LRRC55: variants seen among roughly 807,000 people sequenced by gnomAD.
LRRC55 encodes leucine-rich repeat-containing protein 55.
LRRC55 carries 11 observed loss-of-function variants against 20.5 expected under a neutral mutation model. That is an observed-to-expected ratio of 0.54 (90% CI 0.34 to 0.89). The LOEUF (loss-of-function observed/expected upper bound fraction) is 0.89, where lower values mean the gene tolerates loss of function less well. Ranked by LOEUF, LRRC55 falls within the 40% of genes least tolerant of loss-of-function variation. The pLI is 0.02. For synonymous variants in LRRC55, 188 were observed against 166.6 expected, an observed-to-expected ratio of 1.13 and a Z score of -0.99; for missense variants, 358 against 390.9, an observed-to-expected ratio of 0.92 and a Z score of 0.71.
chr11:57,183,744 A>T (rs1565179524), intron 1 of LRRC55, among the ~76,000 whole-genome samples: 1 of 152,200 alleles, frequency 6.6e-6, no homozygotes, highest in Non-Finnish European at 1.5e-5. Flanking sequence ...TGAAAGGAAG[A>T]CTGAGATGCG....
rs115754523 is a variant in LRRC55, at chr11:57,184,011, C to A, written c.661+1328C>A. Among the ~76,000 whole-genome samples the A allele has an allele frequency of 3.6e-3, 549 of 152,280 alleles. 3 individuals carry two copies. The highest frequency in any genetic ancestry group is 0.027 in the Middle Eastern group (8 of 294). On this transcript the variant is annotated intron_variant, in intron 1 of 1. Transcript: ENST00000497933. ...GAGCTCAGCCCATGTTGAGAAGAAG[C>A]AATGCTGAATGTGGTAAAAGGGAGA...
At position 57,182,590 on chromosome 11, in the gene LRRC55, A is replaced by T; in HGVS notation, c.568A>T (p.Thr190Ser). ...TCTTGAGGGCCTACCGGGGCTGGTG[A>T]CCCTGCAGATCGGTGGCAATCCCTG... is the stretch of plus-strand genomic sequence containing the variant. The part of the protein sequence containing the change: ...EALEGLPGLV[T>S]LQIGGNPWVC... The change falls in exon 1 of 2, where the codon ACC becomes TCC. Residue 190 changes from threonine (T) to serine (S), a missense_variant. Physicochemically the swap from Thr to Ser is moderately conservative, Grantham distance 58 (BLOSUM62 1). Transcript: ENST00000497933. 2.0e-6 allele frequency: 3 copies of T among 1,534,918 alleles called. No homozygotes were observed. The highest frequency in any genetic ancestry group is 2.6e-6 in the Non-Finnish European group (3 of 1,141,896).
chr11:57,186,013 C>T (rs1298338428), intron 1 of LRRC55, among the ~76,000 whole-genome samples: 1 of 151,256 alleles, frequency 6.6e-6, no homozygotes, highest in East Asian at 1.9e-4. Flanking sequence ...TTATATATTA[C>T]ATTAATATGT....
In LRRC55 at chr11:57,182,629, A is replaced by T; in HGVS notation, c.607A>T (p.Thr203Ser). 6.6e-7 allele frequency: 1 copy of T among 1,519,618 alleles called. No individual in the cohort carries two copies. The highest frequency in any genetic ancestry group is 8.8e-7 in the Non-Finnish European group (1 of 1,134,958). The allele number at this position is 1,519,618 out of a possible 1,614,324, so 94.1% of individuals were successfully genotyped here. ...IGGNPWVCGCTMEPLLKWLRN... is the reference protein window; with the variant it reads ...IGGNPWVCGCSMEPLLKWLRN... ...TGGCAATCCCTGGGTGTGTGGCTGCACCATGGAACCCCTGCTGAAGTGGCT... is the reference window on the plus strand; with the variant it reads ...TGGCAATCCCTGGGTGTGTGGCTGCTCCATGGAACCCCTGCTGAAGTGGCT... The change falls in exon 1 of 2, where the codon ACC (threonine) becomes TCC (serine). Residue 203 changes from threonine (T) to serine (S), a missense_variant. This residue lies in a region of LRRC55 where 178 missense variants were observed against 207.9 expected (regional missense o/e 0.86). Coordinates refer to ENST00000497933, the MANE Select transcript of LRRC55 (RefSeq NM_001005210.4).
chr11:57,182,713 C>A, intron 1 of LRRC55, 30 bp downstream of exon 1: 1 of 1,440,724 alleles, frequency 6.9e-7, no homozygotes, highest in Non-Finnish European at 9.2e-7. Flanking sequence ...GGGCAGTCAA[C>A]AGGGAGGGCT....
In LRRC55 at chr11:57,187,575, TG is replaced by T. The variant is rs1854450575; in HGVS notation, c.*97del. ...TGCTCACTCTGGTTCCATGGTGACCTGGCTGCCTCAGTCATGGTTCAAGCAA... is the reference window on the plus strand; with the variant it reads ...TGCTCACTCTGGTTCCATGGTGACCTGCTGCCTCAGTCATGGTTCAAGCAA... On this transcript the variant is annotated 3_prime_UTR_variant, in exon 2 of 2. Coordinates refer to ENST00000497933, the MANE Select transcript of LRRC55 (RefSeq NM_001005210.4). The T allele has an allele frequency of 8.2e-7, 1 of 1,215,262 alleles. No individual in the cohort carries two copies. The highest frequency in any genetic ancestry group is 1.3e-5 in the South Asian group (1 of 77,172). The allele number at this position is 1,215,262 out of a possible 1,614,324, so 75.3% of individuals were successfully genotyped here.
rs1854496161 is a variant in LRRC55 at position 57,190,613 on chromosome 11, T to C, written c.*3133T>C. ...GTATGTCTGTCTGCGAGGTTCCTTG[T>C]ATATTGGCTGTCCGCTGACTTGGGA... is the stretch of plus-strand genomic sequence containing the variant. On this transcript the variant is annotated 3_prime_UTR_variant, in exon 2 of 2. Coordinates refer to ENST00000497933, the MANE Select transcript of LRRC55 (RefSeq NM_001005210.4). 1 of 152,230 alleles carries C rather than the reference T, an allele frequency of 6.6e-6. No individual in the cohort carries two copies. The highest frequency in any genetic ancestry group is 1.5e-5 in the Non-Finnish European group (1 of 68,050). 9.4% of individuals were successfully genotyped at this position (152,230 alleles called of 1,614,324 possible).
In LRRC55 at chr11:57,182,279, C is replaced by T. The variant is rs200954246; in HGVS notation, c.257C>T (p.Thr86Ile). The change falls in exon 1 of 2, where the codon ACA (threonine) becomes ATA (isoleucine). Residue 86 changes from threonine (T) to isoleucine (I), a missense_variant. By Grantham distance (89) the Thr-to-Ile change is moderately conservative. Coordinates refer to ENST00000497933, the MANE Select transcript of LRRC55 (RefSeq NM_001005210.4). ...ACAGCAGTGCCGCCTGGCTACCTCA[C>T]ATGCTACATGGAGCTCCAGGTGCTG... ...RITAVPPGYL[T>I]CYMELQVLDL... 1.2e-6 allele frequency: 2 copies of T among 1,614,112 alleles called. No individual in the cohort carries two copies. The highest frequency in any genetic ancestry group is 8.5e-7 in the Non-Finnish European group (1 of 1,180,034).
At position 57,188,371 on chromosome 11, in the gene LRRC55, T is replaced by C. The variant is rs1208654296; in HGVS notation, c.*891T>C. Reference sequence around the variant, plus strand: ...ATGCCACAGGGTCTCACCAGGAAAGTGCACTGTGGGCCACAGACCCACAGC... The same window carrying C: ...ATGCCACAGGGTCTCACCAGGAAAGCGCACTGTGGGCCACAGACCCACAGC... On this transcript the variant is annotated 3_prime_UTR_variant, in exon 2 of 2. Coordinates refer to ENST00000497933, the MANE Select transcript of LRRC55 (RefSeq NM_001005210.4). 1 of 152,678 alleles carries C rather than the reference T, an allele frequency of 6.5e-6. No individual in the cohort carries two copies. Among genetic ancestry groups the C allele is most frequent in the Non-Finnish European group, 1.5e-5 (1 of 68,094 alleles). 9.5% of individuals were successfully genotyped at this position (152,678 alleles called of 1,614,324 possible). A position where few individuals can be genotyped will look rare whatever the true frequency, so the allele number is the denominator to read the frequency against.
chr11:57,184,307 C>A (rs945145857), intron 1 of LRRC55, among the ~76,000 whole-genome samples: 2 of 152,224 alleles, frequency 1.3e-5, no homozygotes, highest in African/African-American at 4.8e-5. Flanking sequence ...CACCCAGGGA[C>A]TCCTTTTCTG....
chr11:57,185,158 C>G (rs10501363), intron 1 of LRRC55, among the ~76,000 whole-genome samples: 46,369 of 151,636 alleles, frequency 0.31, 7,467 homozygotes, highest in Non-Finnish European at 0.38. Flanking sequence ...TCAAAAACTG[C>G]AGAATGAATA....
At chr11:57,185,887 A>T (rs1001092577) in intron 1 of LRRC55, among the ~76,000 whole-genome samples, 2 of 152,096 alleles carry the variant, frequency 1.3e-5, no homozygotes, top group Non-Finnish European at 2.9e-5. Context: ...ACCCCACCAG[A>T]AAAAGCAGCC....
chr11:57,182,562 G>A lies in LRRC55; in HGVS notation c.540G>A (p.Glu180=). The change falls in exon 1 of 2, where the codon GAG becomes GAA. Residue 180 remains glutamate (E), a synonymous_variant. Transcript: ENST00000497933. The part of the protein sequence containing the change: ...SYGGLAFLSL[E]ALEGLPGLVT... ...GGGGCCTGGCCTTCCTCAGCCTGGA[G>A]GCTCTTGAGGGCCTACCGGGGCTGG... 2 of 1,550,760 alleles carry A rather than the reference G, an allele frequency of 1.3e-6. No individual in the cohort carries two copies. The highest frequency in any genetic ancestry group is 1.7e-6 in the Non-Finnish European group (2 of 1,148,254).
rs1854479145 is a variant in LRRC55 at position 57,189,472 on chromosome 11, A to T, written c.*1992A>T. On this transcript the variant is annotated 3_prime_UTR_variant, in exon 2 of 2. Transcript: ENST00000497933. ...CAGAGACTACACAGGTAACACCTGA[A>T]TAGGAGACTCCTGCTTTACAATGTG... is the stretch of plus-strand genomic sequence containing the variant. The T allele has an allele frequency of 6.6e-6, 1 of 152,244 alleles. No individual in the cohort carries two copies. Among genetic ancestry groups the T allele is most frequent in the Non-Finnish European group, 1.5e-5 (1 of 68,044 alleles). The allele number at this position is 152,244 out of a possible 1,614,324, so 9.4% of individuals were successfully genotyped here.
chr11:57,187,153 T>G (rs1318547772), intron 1 of LRRC55, 92 bp from the exon 2 acceptor site: 1 of 1,116,794 alleles, frequency 9.0e-7, no homozygotes, highest in Non-Finnish European at 1.3e-6. Flanking sequence ...ATGAATGTCT[T>G]TCTTACTTTT....
Position 57,181,976 on chromosome 11 carries a change from C to T in LRRC55, c.-47C>T. 1.2e-6 allele frequency: 2 copies of T among 1,613,946 alleles called. No homozygotes were observed. The highest frequency in any genetic ancestry group is 1.7e-6 in the Non-Finnish European group (2 of 1,179,862). ...TCACAGACTCTCGATTCCATGGACACAGTCCTCATGGGCTCCCTCCAGCAC... is the reference window on the plus strand; with the variant it reads ...TCACAGACTCTCGATTCCATGGACATAGTCCTCATGGGCTCCCTCCAGCAC... On this transcript the variant is annotated 5_prime_UTR_variant, in exon 1 of 2. Coordinates refer to ENST00000497933, the MANE Select transcript of LRRC55 (RefSeq NM_001005210.4).
chr11:57,185,171 T>C (rs1311837458), intron 1 of LRRC55, among the ~76,000 whole-genome samples: 1 of 151,980 alleles, frequency 6.6e-6, no homozygotes, highest in East Asian at 1.9e-4. Flanking sequence ...AATGAATACA[T>C]AGCATTTATG....
chr11:57,182,762 G>T lies in LRRC55; in HGVS notation c.661+79G>T, dbSNP rs1371197240. On this transcript the variant is annotated intron_variant, in intron 1 of 1. Transcript: ENST00000497933. The stretch of plus-strand genomic sequence containing the variant: ...AGCAAAGGCTCCAAAGAAAGCGGGG[G>T]AACTTAGAGCCAGAAAGCACCTACT... The T allele has an allele frequency of 8.1e-6, 11 of 1,362,620 alleles. No individual in the cohort carries two copies. The South Asian group carries it at 2.2e-4, about 28-fold the overall frequency. 84.4% of individuals were successfully genotyped at this position (1,362,620 alleles called of 1,614,324 possible). A position where few individuals can be genotyped will look rare whatever the true frequency, so the allele number is the denominator to read the frequency against.
At position 57,190,674 on chromosome 11, in the gene LRRC55, A is replaced by G. The variant is rs1413900414; in HGVS notation, c.*3194A>G. On this transcript the variant is annotated 3_prime_UTR_variant, in exon 2 of 2. Transcript: ENST00000497933. ...TAGAACTTGGGTTCAGTTCTCTGAC[A>G]TAGTCCACTCAGCCATAGGCTGAGT... 1 of 152,208 alleles carries G rather than the reference A, an allele frequency of 6.6e-6. No individual in the cohort carries two copies. The allele number at this position is 152,208 out of a possible 1,614,324, so 9.4% of individuals were successfully genotyped here.
Sources: allele counts gnomAD v4.1 joint callset (sites outside exome capture counted in the v4.1 genomes callset), GRCh38; gene constraint gnomAD v4.1.1; regional missense constraint gnomAD v4.1.1; transcripts MANE v1.5; gene names NCBI Gene and HGNC (gene_info 2026-07-23, HGNC 2026-07-21).